Variants in SLC24A2 observed in about 807,000 individuals in gnomAD.
SLC24A2 encodes the protein sodium/potassium/calcium exchanger 2.
In SLC24A2, 36 loss-of-function variants were observed where a neutral mutation model predicts 62.0. That is an observed-to-expected ratio of 0.58 (90% CI 0.44 to 0.77). The LOEUF is 0.77. SLC24A2 is among the 30% of genes least tolerant of loss of function. The probability of loss-of-function intolerance (pLI) is 0.00; values close to 1 mark genes in which losing one functional copy is unlikely to be tolerated. For missense variants in SLC24A2, 846 were observed against 817.9 expected (o/e 1.03, Z -0.42); for synonymous variants, 358 against 294.0 (o/e 1.22, Z -2.23).
At chr9:19,841,765 C>A in the SLC24A2 span, among the ~76,000 whole-genome samples, 1 of 152,082 alleles carries the variant, frequency 6.6e-6, no homozygotes. Context: ...TATTTGTACC[C>A]AATATCAATG....
the SLC24A2 span, among the ~76,000 whole-genome samples, chr9:20,095,197 A>G: frequency 6.6e-6 from 1 of 152,194 alleles, no homozygotes; most frequent in East Asian, 1.9e-4. Flanking sequence ...GTTAACATGT[A>G]ATGGGCTTAT....
chr9:19,983,380 C>A, the SLC24A2 span, among the ~76,000 whole-genome samples: 4 of 152,144 alleles, frequency 2.6e-5, no homozygotes, highest in Non-Finnish European at 5.9e-5. Flanking sequence ...CACGGTGGCT[C>A]ACACCTGTAA....
intron 10 of SLC24A2, among the ~76,000 whole-genome samples, chr9:19,518,517 G>C (rs1476745120): frequency 1.3e-5 from 2 of 151,708 alleles, no homozygotes; most frequent in African/African-American, 4.8e-5. Context: ...CACCTCCTGG[G>C]TTCAAGCGAT....
Position 19,514,765 on chromosome 9 carries a change from G to A in SLC24A2, c.*1388C>T, listed in dbSNP as rs1218786780. 1 of 152,158 alleles carries A rather than the reference G, an allele frequency of 6.6e-6. No individual in the cohort carries two copies. The highest frequency in any genetic ancestry group is 2.4e-5 in the African/African-American group (1 of 41,428). 9.4% of individuals were successfully genotyped at this position (152,158 alleles called of 1,614,324 possible). A position where few individuals can be genotyped will look rare whatever the true frequency, so the allele number is the denominator to read the frequency against. ...GGAAGAAGAGACATAGATGTTACAAGAACTTTAACCAAAGCCTGGTCCTGG... is the reference window on the plus strand; with the variant it reads ...GGAAGAAGAGACATAGATGTTACAAAAACTTTAACCAAAGCCTGGTCCTGG... On this transcript the variant is annotated 3_prime_UTR_variant, in exon 11 of 11. Transcript: ENST00000341998.
At chr9:20,253,637 G>T in the SLC24A2 span, among the ~76,000 whole-genome samples, 1 of 152,172 alleles carries the variant, frequency 6.6e-6, no homozygotes, top group Non-Finnish European at 1.5e-5. Flanking sequence ...GGGAAGTGGG[G>T]CCCAGGCATC....
intron 4 of SLC24A2, among the ~76,000 whole-genome samples, chr9:19,608,778 T>TCACA (rs1339058970): frequency 6.7e-6 from 1 of 149,664 alleles, no homozygotes; most frequent in South Asian, 2.1e-4. Flanking sequence ...TCTCTCTCTC[T>TCACA]CACACACACA....
the SLC24A2 span, among the ~76,000 whole-genome samples, chr9:20,223,517 G>T: frequency 6.6e-6 from 1 of 152,122 alleles, no homozygotes; most frequent in African/African-American, 2.4e-5. Flanking sequence ...GTTTGTGGAA[G>T]AAAACTGAGA....
chr9:20,246,992 T>C, the SLC24A2 span, among the ~76,000 whole-genome samples: 5 of 152,204 alleles, frequency 3.3e-5, no homozygotes, highest in African/African-American at 1.2e-4. Flanking sequence ...CATTATACAG[T>C]GTATTGCATT....
chr9:20,026,256 G>A, the SLC24A2 span, among the ~76,000 whole-genome samples: 1 of 152,230 alleles, frequency 6.6e-6, no homozygotes, highest in Non-Finnish European at 1.5e-5. Flanking sequence ...GATAGCACAG[G>A]CCCCATTTAA....
the SLC24A2 span, among the ~76,000 whole-genome samples, chr9:20,204,966 C>T: frequency 0.031 from 4,714 of 152,006 alleles, 243 homozygotes; most frequent in African/African-American, 0.11. Flanking sequence ...AGAATGGTCT[C>T]GACCTCTTAA....
At chr9:19,867,827 G>C in the SLC24A2 span, among the ~76,000 whole-genome samples, 2 of 152,078 alleles carry the variant, frequency 1.3e-5, no homozygotes, top group East Asian at 3.9e-4. Flanking sequence ...TGAATCGGTC[G>C]AACCCGGGAG....
chr9:20,109,179 CACAG>C, the SLC24A2 span, among the ~76,000 whole-genome samples: 15 of 152,226 alleles, frequency 9.9e-5, no homozygotes, highest in East Asian at 2.9e-3. Flanking sequence ...CTCTGACGTT[CACAG>C]ACAATGACAA....
At chr9:19,542,767 T>A (rs894659848) in intron 8 of SLC24A2, among the ~76,000 whole-genome samples, 4 of 152,226 alleles carry the variant, frequency 2.6e-5, no homozygotes, top group African/African-American at 9.6e-5. Context: ...GAACCAGCCT[T>A]GCATCCCAGG....
At chr9:20,198,150 G>T in the SLC24A2 span, among the ~76,000 whole-genome samples, 1 of 152,222 alleles carries the variant, frequency 6.6e-6, no homozygotes, top group Non-Finnish European at 1.5e-5. Context: ...AGAGCTTGGA[G>T]CACACAGCTG....
the SLC24A2 span, among the ~76,000 whole-genome samples, chr9:19,999,922 C>T: frequency 6.6e-6 from 1 of 152,138 alleles, no homozygotes. Context: ...AAGAGCTAGA[C>T]TAGGAGTTCC....
chr9:19,583,626 T>G (rs1205480808), intron 5 of SLC24A2, among the ~76,000 whole-genome samples: 1 of 152,022 alleles, frequency 6.6e-6, no homozygotes, highest in Non-Finnish European at 1.5e-5. Flanking sequence ...TGACCCAGAG[T>G]AAATGTCTTT....
chr9:20,009,315 G>C, the SLC24A2 span, among the ~76,000 whole-genome samples: 1 of 150,834 alleles, frequency 6.6e-6, no homozygotes, highest in Non-Finnish European at 1.5e-5. Context: ...AACCCAGAAG[G>C]CAGAGGTTTT....
the SLC24A2 span, among the ~76,000 whole-genome samples, chr9:19,986,988 T>C: frequency 1.3e-5 from 2 of 151,758 alleles, no homozygotes; most frequent in African/African-American, 2.4e-5. Context: ...TGATGAAAAA[T>C]AATGAGCTTG....
the SLC24A2 span, among the ~76,000 whole-genome samples, chr9:20,284,453 A>G: frequency 6.6e-6 from 1 of 151,940 alleles, no homozygotes; most frequent in African/African-American, 2.4e-5. Flanking sequence ...CAGGTACATT[A>G]TCTTAATAAC....
Sources: gnomAD v4.1 joint callset for allele counts (sites outside exome capture counted in the v4.1 genomes callset) on GRCh38, gnomAD v4.1.1 for gene constraint, MANE v1.5 for transcripts, NCBI Gene and HGNC (gene_info 2026-07-23, HGNC 2026-07-21) for gene names.